SLC24A5: variants seen among roughly 807,000 people sequenced by gnomAD.
SLC24A5 encodes the protein solute carrier family 24 member 5.
In SLC24A5, 46 loss-of-function variants were observed where a neutral mutation model predicts 51.6. The ratio of observed to expected loss-of-function variants is 0.89; its 90% CI spans 0.70 to 1.14. The LOEUF (loss-of-function observed/expected upper bound fraction) is 1.14. SLC24A5 is among the 50% of genes most tolerant of loss of function. The probability of loss-of-function intolerance (pLI) is 0.00; values close to 1 mark genes in which losing one functional copy is unlikely to be tolerated. For synonymous variants in SLC24A5, 230 were observed against 214.9 expected (o/e 1.07, Z -0.62); for missense variants, 581 against 604.1 (o/e 0.96, Z 0.40).
intron 2 of SLC24A5, among the ~76,000 whole-genome samples, chr15:48,125,561 A>T (rs1238519652): frequency 6.6e-6 from 1 of 152,188 alleles, no homozygotes; most frequent in Non-Finnish European, 1.5e-5. Flanking sequence ...CCATCTTACA[A>T]GAAATTTTCC....
In SLC24A5 at chr15:48,141,198, G is replaced by T; in HGVS notation, c.1164G>T (p.Val388=). ...GTSIPDTIAS[V]LVARKGKGDM... Reference sequence around the variant, plus strand: ...GCATACCAGACACAATTGCAAGTGTGTTGGTTGCAAGAAAAGGTAAGAACT... The same window carrying T: ...GCATACCAGACACAATTGCAAGTGTTTTGGTTGCAAGAAAAGGTAAGAACT... Residue 388 remains valine (V), a synonymous_variant, in exon 8 of 9, where the codon GTG becomes GTT. Coordinates refer to ENST00000341459, the MANE Select transcript of SLC24A5 (RefSeq NM_205850.3). 6.2e-7 allele frequency: 1 copy of T among 1,613,434 alleles called. No individual in the cohort carries two copies. Among genetic ancestry groups the T allele is most frequent in the East Asian group, 2.2e-5 (1 of 44,862 alleles).
At chr15:48,122,137 T>C (rs768811508) in intron 2 of SLC24A5, 101 bp downstream of exon 2, 1 of 1,250,684 alleles carries the variant, frequency 8.0e-7, no homozygotes, top group South Asian at 1.2e-5. Context: ...ACTTCTCAAC[T>C]GGTTGCAGAG....
chr15:48,140,685 CAT>C (rs1371380382), intron 7 of SLC24A5: 1 of 162,018 alleles, frequency 6.2e-6, no homozygotes, highest in Non-Finnish European at 1.3e-5. Flanking sequence ...GGTATATATA[CAT>C]GTTAACACAT....
At chr15:48,126,263 C>T (rs928266173) in intron 2 of SLC24A5, among the ~76,000 whole-genome samples, 4 of 152,176 alleles carry the variant, frequency 2.6e-5, no homozygotes, top group African/African-American at 9.7e-5. Context: ...ACGAGGCAAC[C>T]TCAGACACTT....
At chr15:48,134,237 A>C in intron 2 of SLC24A5, 21 bp from the exon 3 acceptor site, 2 of 1,606,390 alleles carry the variant, frequency 1.2e-6, no homozygotes, top group East Asian at 2.2e-5. Context: ...TAGGCATAAC[A>C]ATCATTTCAT....
chr15:48,134,323 T>G lies in SLC24A5; in HGVS notation c.367T>G (p.Leu123Val). The G allele has an allele frequency of 6.2e-7, 1 of 1,613,636 alleles. No individual in the cohort carries two copies. The highest frequency in any genetic ancestry group is 8.5e-7 in the Non-Finnish European group (1 of 1,179,636). The change falls in exon 3 of 9, where the codon TTA (leucine) becomes GTA (valine). Residue 123 changes from leucine (L) to valine (V), a missense_variant. Coordinates refer to ENST00000341459, the MANE Select transcript of SLC24A5 (RefSeq NM_205850.3). Reference sequence around the variant, plus strand: ...GGCAGCGGGCAGTTCAGCTCCTGAATTAGTTACTGCTTTCCTAGGTAAATA... The same window carrying G: ...GGCAGCGGGCAGTTCAGCTCCTGAAGTAGTTACTGCTTTCCTAGGTAAATA... Reference protein sequence around the residue: ...FMAAGSSAPELVTAFLGVFIT... With the variant: ...FMAAGSSAPEVVTAFLGVFIT...
chr15:48,133,738 A>C (rs937051761), intron 2 of SLC24A5, among the ~76,000 whole-genome samples: 4 of 152,240 alleles, frequency 2.6e-5, no homozygotes, highest in African/African-American at 9.6e-5. Flanking sequence ...GCAAACTGAA[A>C]AACCCCAGCC....
rs796318500 is a variant in SLC24A5, at chr15:48,136,931, T to C, written c.839T>C (p.Ile280Thr). ...GATTCTGGCTACTCTCAGCTCTCTA[T>C]AAGTTTACATGGCCTTAGTCAGGTT... ...YEDSGYSQLSISLHGLSQVSE... is the reference protein window; with the variant it reads ...YEDSGYSQLSTSLHGLSQVSE... Residue 280 changes from isoleucine to threonine, a missense_variant, in exon 6 of 9, where the codon ATA becomes ACA. By Grantham distance (89) the Ile-to-Thr change is moderately conservative (BLOSUM62 -1). Coordinates refer to ENST00000341459, the MANE Select transcript of SLC24A5 (RefSeq NM_205850.3). The C allele has an allele frequency of 6.2e-7, 1 of 1,613,452 alleles. No individual in the cohort carries two copies. The highest frequency in any genetic ancestry group is 8.5e-7 in the Non-Finnish European group (1 of 1,179,484).
chr15:48,125,806 C>T (rs752521187), intron 2 of SLC24A5, among the ~76,000 whole-genome samples: 13 of 152,174 alleles, frequency 8.5e-5, no homozygotes, highest in Non-Finnish European at 1.8e-4. Context: ...GGAACTTCAT[C>T]ATCATAGATG....
chr15:48,135,244 G>A (rs768926540), intron 5 of SLC24A5: 6 of 297,782 alleles, frequency 2.0e-5, no homozygotes, highest in Non-Finnish European at 3.8e-5. Flanking sequence ...TCTCCCCACT[G>A]GCTGCCTATT....
chr15:48,141,484 G>A (rs1000404281), intron 8 of SLC24A5: 2 of 238,932 alleles, frequency 8.4e-6, no homozygotes, highest in Admixed American at 5.1e-5. Context: ...GGCTGAGGCA[G>A]GAGAATTGTT....
At chr15:48,125,923 C>A (rs1030360416) in intron 2 of SLC24A5, among the ~76,000 whole-genome samples, 1 of 152,128 alleles carries the variant, frequency 6.6e-6, no homozygotes, top group African/African-American at 2.4e-5. Flanking sequence ...CCTCAAATCA[C>A]CACAGTGGCT....
At chr15:48,129,795 C>T (rs1345387126) in intron 2 of SLC24A5, among the ~76,000 whole-genome samples, 1 of 151,484 alleles carries the variant, frequency 6.6e-6, no homozygotes, top group Non-Finnish European at 1.5e-5. Flanking sequence ...AATTCACATT[C>T]TATAACTTTG....
At chr15:48,137,621 A>C (rs2038933738) in intron 6 of SLC24A5, 1 of 152,178 alleles carries the variant, frequency 6.6e-6, no homozygotes, top group Non-Finnish European at 1.5e-5. Flanking sequence ...AGACCAAGTG[A>C]AAGTGGTGGG....
rs2038683029 is a variant in SLC24A5, at chr15:48,121,933, T to C, written c.198T>C (p.Asp66=). 1.9e-6 allele frequency: 3 copies of C among 1,614,166 alleles called. No individual in the cohort carries two copies. The highest frequency in any genetic ancestry group is 2.5e-6 in the Non-Finnish European group (3 of 1,180,008). ...TTTTCACGAGACAGGAGCGCAGAGA[T>C]GGAGGCATCATAATCTATTTCCTAA... ...EGFFTRQERR[D]GGIIIYFLII... The change falls in exon 2 of 9, where the codon GAT becomes GAC. Residue 66 remains aspartate, a synonymous_variant. Coordinates refer to ENST00000341459, the MANE Select transcript of SLC24A5 (RefSeq NM_205850.3).
chr15:48,121,195 G>A (rs769769699), intron 1 of SLC24A5, 30 bp downstream of exon 1: 1 of 1,571,020 alleles, frequency 6.4e-7, no homozygotes, highest in African/African-American at 1.4e-5. Flanking sequence ...AGTTAGCTCT[G>A]CAGCAGCAGC....
chr15:48,139,077 A>G lies in SLC24A5; in HGVS notation c.980A>G (p.Lys327Arg). 6.2e-7 allele frequency: 1 copy of G among 1,613,224 alleles called. No individual in the cohort carries two copies. Reference protein sequence around the residue: ...LLFLTTPDCRKKFWKNYFVIT... With the variant: ...LLFLTTPDCRRKFWKNYFVIT... The stretch of plus-strand genomic sequence containing the variant: ...TTTCTAACCACACCAGATTGTAGAA[A>G]AAAGTTTTGGAAAAACTACTTTGTG... The change falls in exon 7 of 9, where the codon AAA becomes AGA. Residue 327 changes from lysine to arginine, a missense_variant. Physicochemically the swap from Lys to Arg is conservative, Grantham distance 26. Coordinates refer to ENST00000341459, the MANE Select transcript of SLC24A5 (RefSeq NM_205850.3).
At chr15:48,134,224 T>C in intron 2 of SLC24A5, 34 bp from the exon 3 acceptor site, 1 of 1,570,128 alleles carries the variant, frequency 6.4e-7, no homozygotes, top group Non-Finnish European at 8.8e-7. Flanking sequence ...TCTTTCACTT[T>C]ATTAGGCATA....
At chr15:48,128,329 C>T (rs1319768983) in intron 2 of SLC24A5, among the ~76,000 whole-genome samples, 1 of 152,102 alleles carries the variant, frequency 6.6e-6, no homozygotes, top group Non-Finnish European at 1.5e-5. Context: ...CTCTACCACA[C>T]TGATACCTTC....
Sources: allele counts gnomAD v4.1 joint callset (sites outside exome capture counted in the v4.1 genomes callset), GRCh38; gene constraint gnomAD v4.1.1; transcripts MANE v1.5; gene names NCBI Gene and HGNC (gene_info 2026-07-23, HGNC 2026-07-21).